SPOCK3: variants seen among roughly 807,000 people sequenced by gnomAD.
The protein encoded by SPOCK3 is testican-3.
A neutral mutation model predicts 56.6 loss-of-function variants in SPOCK3; 30 were observed. The ratio of observed to expected loss-of-function variants is 0.53; its 90% CI spans 0.40 to 0.72. The LOEUF is 0.72. Among genes scored for constraint, SPOCK3 ranks in the 30% least tolerant of loss-of-function variants. The probability of loss-of-function intolerance (pLI) is 0.00; values close to 1 mark genes in which losing one functional copy is unlikely to be tolerated. For missense variants in SPOCK3, 527 were observed against 530.0 expected (o/e 0.99, Z 0.06); for synonymous variants, 196 against 183.3 (o/e 1.07, Z -0.56).
chr4:166,803,020 T>G (rs1004497693), intron 6 of SPOCK3, among the ~76,000 whole-genome samples: 1 of 152,128 alleles, frequency 6.6e-6, no homozygotes, highest in Non-Finnish European at 1.5e-5. Flanking sequence ...ATCAGATAAC[T>G]TGGTCTCCAA....
chr4:166,812,277 T>C (rs1743912836), intron 6 of SPOCK3, among the ~76,000 whole-genome samples: 1 of 151,938 alleles, frequency 6.6e-6, no homozygotes, highest in African/African-American at 2.4e-5. Flanking sequence ...GAGATTACCA[T>C]TTAATATTTG....
chr4:166,955,731 A>C (rs927161350), intron 4 of SPOCK3, among the ~76,000 whole-genome samples: 34 of 150,552 alleles, frequency 2.3e-4, no homozygotes, highest in African/African-American at 4.4e-4. Flanking sequence ...AACTATATTT[A>C]TTTCTTTCTT....
intron 8 of SPOCK3, 26 bp from the exon 9 acceptor site, chr4:166,742,085 T>G: frequency 6.5e-7 from 1 of 1,545,640 alleles, no homozygotes; most frequent in Admixed American, 1.7e-5. Flanking sequence ...AAATGTTACT[T>G]CAAGGATTCT....
At chr4:166,769,341 A>G (rs976657553) in intron 7 of SPOCK3, among the ~76,000 whole-genome samples, 6 of 143,192 alleles carry the variant, frequency 4.2e-5, no homozygotes, top group African/African-American at 1.0e-4. Context: ...GTCTTTGATG[A>G]TGGTGACGTA....
intron 4 of SPOCK3, among the ~76,000 whole-genome samples, chr4:166,928,419 G>T (rs887432331): frequency 6.6e-6 from 1 of 152,130 alleles, no homozygotes; most frequent in Non-Finnish European, 1.5e-5. Context: ...GCAGTAACTG[G>T]AAGAAGCCAA....
chr4:166,754,302 T>C (rs761475410), intron 8 of SPOCK3: 25 of 1,292,196 alleles, frequency 1.9e-5, no homozygotes, highest in Non-Finnish European at 2.5e-5. Context: ...TATTAATTAC[T>C]ATTTTTCATC....
At chr4:166,989,837 A>G (rs973068053) in intron 4 of SPOCK3, among the ~76,000 whole-genome samples, 1 of 152,152 alleles carries the variant, frequency 6.6e-6, no homozygotes, top group African/African-American at 2.4e-5. Context: ...CTTTCATATA[A>G]TAGGCCAATG....
chr4:166,934,572 A>G (rs1016517100), intron 4 of SPOCK3, among the ~76,000 whole-genome samples: 1 of 152,182 alleles, frequency 6.6e-6, no homozygotes, highest in East Asian at 1.9e-4. Flanking sequence ...GTTGTTTGGT[A>G]CATATATGTA....
intron 7 of SPOCK3, among the ~76,000 whole-genome samples, chr4:166,769,535 C>T (rs1481055918): frequency 6.6e-6 from 1 of 152,126 alleles, no homozygotes; most frequent in Non-Finnish European, 1.5e-5. Context: ...CCTGCCTGAT[C>T]GTTCCTCTGG....
chr4:166,770,887 T>C (rs1448111948), intron 7 of SPOCK3, among the ~76,000 whole-genome samples: 2 of 151,870 alleles, frequency 1.3e-5, no homozygotes, highest in Non-Finnish European at 2.9e-5. Context: ...CACCAGAAAT[T>C]GAGTTAAAAA....
chr4:167,151,435 CTTTTT>C (rs5863862), intron 2 of SPOCK3, among the ~76,000 whole-genome samples: 2 of 95,644 alleles, frequency 2.1e-5, no homozygotes, highest in Non-Finnish European at 2.2e-5. Flanking sequence ...CCTTTTTTTT[CTTTTT>C]TTTTTTTTTT....
chr4:166,873,288 G>T (rs548926394), intron 6 of SPOCK3, among the ~76,000 whole-genome samples: 16 of 151,870 alleles, frequency 1.1e-4, no homozygotes, highest in African/African-American at 3.9e-4. Flanking sequence ...TATTTTTATG[G>T]CAATGAACTA....
intron 4 of SPOCK3, among the ~76,000 whole-genome samples, chr4:166,928,060 C>G: frequency 6.6e-6 from 1 of 152,110 alleles, no homozygotes. Context: ...GGCCAAAACT[C>G]AGAACGCTGA....
chr4:166,870,928 T>C (rs1732400817), intron 6 of SPOCK3, among the ~76,000 whole-genome samples: 1 of 152,090 alleles, frequency 6.6e-6, no homozygotes, highest in Admixed American at 6.6e-5. Flanking sequence ...GATGGTTTTA[T>C]AAGCATCTGG....
At chr4:167,203,808 AT>A (rs1733760327) in intron 2 of SPOCK3, among the ~76,000 whole-genome samples, 2 of 152,256 alleles carry the variant, frequency 1.3e-5, no homozygotes, top group African/African-American at 4.8e-5. Flanking sequence ...GAGATAAAAA[AT>A]ATTCTTATAG....
rs1045915363 is a variant in SPOCK3 at position 167,068,572 on chromosome 4, T to A, written c.190-6035A>T. ...GGTATATTTTAGGAAGATTATAATA[T>A]ATGGAATAGGTGGTTAGAAAGCAGA... On this transcript the variant is annotated intron_variant, in intron 2 of 10. Transcript: ENST00000357545. Among the ~76,000 whole-genome samples, 4 of 151,848 alleles carry A rather than the reference T, an allele frequency of 2.6e-5. No homozygotes were observed. The Admixed American group carries it at 2.6e-4, about 10-fold the overall frequency.
chr4:167,077,693 T>C (rs1394733643), intron 2 of SPOCK3, among the ~76,000 whole-genome samples: 1 of 151,966 alleles, frequency 6.6e-6, no homozygotes, highest in East Asian at 1.9e-4. Flanking sequence ...ACTCCTCATT[T>C]GCACCTTAAT....
chr4:167,134,337 A>T (rs961544720), intron 2 of SPOCK3, among the ~76,000 whole-genome samples: 1 of 151,902 alleles, frequency 6.6e-6, no homozygotes, highest in African/African-American at 2.4e-5. Context: ...GTGGCGCTTG[A>T]TGACTTGTAC....
At chr4:166,969,665 C>A (rs1197301031) in intron 4 of SPOCK3, among the ~76,000 whole-genome samples, 1 of 151,970 alleles carries the variant, frequency 6.6e-6, no homozygotes, top group African/African-American at 2.4e-5. Flanking sequence ...GGTCTCCCTG[C>A]CATGCCTCCT....
Sources: allele counts gnomAD v4.1 joint callset (sites outside exome capture counted in the v4.1 genomes callset), GRCh38; gene constraint gnomAD v4.1.1; transcripts MANE v1.5; gene names NCBI Gene and HGNC (gene_info 2026-07-23, HGNC 2026-07-21).